The following PARVA variants were observed in gnomAD, a reference collection of about 807,000 sequenced individuals.
The protein encoded by PARVA is alpha-parvin.
Under a neutral mutation model 52.6 loss-of-function variants are expected in PARVA, and 25 were observed. The ratio of observed to expected loss-of-function variants is 0.48; its 90% CI spans 0.35 to 0.66. The LOEUF (loss-of-function observed/expected upper bound fraction) is 0.66, where lower values mean the gene tolerates loss of function less well. Among genes scored for constraint, PARVA ranks in the 30% least tolerant of loss-of-function variants. The pLI, the probability that PARVA is intolerant of heterozygous loss-of-function variation, is 0.01. For synonymous variants in PARVA, 185 were observed against 179.1 expected (o/e 1.03, Z -0.26); for missense variants, 373 against 450.9 (o/e 0.83, Z 1.56).
intron 12 of PARVA, among the ~76,000 whole-genome samples, chr11:12,522,404 A>G (rs1589991715): frequency 6.8e-6 from 1 of 147,874 alleles, no homozygotes; most frequent in Admixed American, 7.0e-5. Flanking sequence ...GGTAGACAAC[A>G]AATCAAGAGC....
At chr11:12,391,801 A>G (rs556757286) in intron 1 of PARVA, among the ~76,000 whole-genome samples, 1 of 152,348 alleles carries the variant, frequency 6.6e-6, no homozygotes, top group African/African-American at 2.4e-5. Flanking sequence ...TTCTGATGGA[A>G]GCTCAAGTCC....
At chr11:12,383,677 G>A (rs1288562106) in intron 1 of PARVA, among the ~76,000 whole-genome samples, 1 of 152,068 alleles carries the variant, frequency 6.6e-6, no homozygotes, top group African/African-American at 2.4e-5. Context: ...ATCTTTTTCT[G>A]TAGAGACACA....
intron 1 of PARVA, among the ~76,000 whole-genome samples, chr11:12,399,735 A>G (rs1939799562): frequency 1.3e-5 from 2 of 152,124 alleles, no homozygotes; most frequent in African/African-American, 4.8e-5. Context: ...ATTACCCATT[A>G]CAATGTTACA....
At chr11:12,519,944 C>A (rs2135085574) in intron 12 of PARVA, among the ~76,000 whole-genome samples, 1 of 152,200 alleles carries the variant, frequency 6.6e-6, no homozygotes, top group East Asian at 1.9e-4. Context: ...TGATGAGCAC[C>A]CTGCTTCTGG....
At chr11:12,466,067 G>T in intron 1 of PARVA, among the ~76,000 whole-genome samples, 1 of 152,000 alleles carries the variant, frequency 6.6e-6, no homozygotes, top group African/African-American at 2.4e-5. Flanking sequence ...ATATCTCATT[G>T]GTGTTTTGTC....
chr11:12,489,261 G>C (rs934541968), intron 4 of PARVA, among the ~76,000 whole-genome samples: 3 of 151,658 alleles, frequency 2.0e-5, no homozygotes, highest in African/African-American at 7.3e-5. Flanking sequence ...ACTTAAAAAT[G>C]ATAAAAGAAC....
intron 4 of PARVA, among the ~76,000 whole-genome samples, chr11:12,490,066 A>G (rs976768000): frequency 1.4e-4 from 21 of 151,974 alleles, no homozygotes; most frequent in Non-Finnish European, 1.6e-4. Flanking sequence ...AATACAAAAA[A>G]TTAGCCGGGT....
At chr11:12,385,230 G>A (rs925727224) in intron 1 of PARVA, among the ~76,000 whole-genome samples, 5 of 152,150 alleles carry the variant, frequency 3.3e-5, no homozygotes, top group Admixed American at 6.5e-5. Flanking sequence ...TCAGGAGGCT[G>A]ACATGGAAGG....
At chr11:12,437,266 C>T (rs985675211) in intron 1 of PARVA, among the ~76,000 whole-genome samples, 8 of 152,174 alleles carry the variant, frequency 5.3e-5, no homozygotes, top group Admixed American at 2.6e-4. Flanking sequence ...AGGTGAGGTA[C>T]AAGAAGGATA....
Position 12,423,360 on chromosome 11 carries a change from T to G in PARVA, c.136+45577T>G, listed in dbSNP as rs1383513607. Among the ~76,000 whole-genome samples, 5 of 150,564 alleles carry G rather than the reference T, an allele frequency of 3.3e-5. No homozygotes were observed. In the East Asian group the frequency reaches 5.8e-4, roughly 18 times the overall value. On this transcript the variant is annotated intron_variant, in intron 1 of 12. Transcript: ENST00000334956. ...TGCGTGGCTAATTTTTGTTTTTTTT[T>G]TTTTTTTTTTGGTAGAGACAGGGTT...
At chr11:12,475,449 C>CT (rs957487167) in intron 3 of PARVA, among the ~76,000 whole-genome samples, 2 of 152,136 alleles carry the variant, frequency 1.3e-5, no homozygotes, top group African/African-American at 2.4e-5. Context: ...TAGAGACTGT[C>CT]TTTTTTTTCT....
intron 7 of PARVA, among the ~76,000 whole-genome samples, chr11:12,510,039 C>T (rs1941486612): frequency 6.6e-6 from 1 of 152,104 alleles, no homozygotes; most frequent in Non-Finnish European, 1.5e-5. Flanking sequence ...TTCTATGGTC[C>T]CTCTCTCTGC....
At chr11:12,420,713 G>A (rs1186529965) in intron 1 of PARVA, among the ~76,000 whole-genome samples, 1 of 152,134 alleles carries the variant, frequency 6.6e-6, no homozygotes, top group Non-Finnish European at 1.5e-5. Flanking sequence ...ACTGTTCTAA[G>A]CACTTTACAG....
At chr11:12,515,783 T>G (rs1419763209) in intron 10 of PARVA, among the ~76,000 whole-genome samples, 1 of 152,150 alleles carries the variant, frequency 6.6e-6, no homozygotes, top group Non-Finnish European at 1.5e-5. Context: ...GGGTGAGTCA[T>G]GCTCAGGCCG....
At chr11:12,423,354 T>TTTC (rs1554894597) in intron 1 of PARVA, among the ~76,000 whole-genome samples, 1 of 146,258 alleles carries the variant, frequency 6.8e-6, no homozygotes, top group African/African-American at 2.5e-5. Context: ...AATTTTTGTT[T>TTTC]TTTTTTTTTT....
chr11:12,454,685 T>A (rs927436692), intron 1 of PARVA, among the ~76,000 whole-genome samples: 5 of 152,096 alleles, frequency 3.3e-5, no homozygotes, highest in Admixed American at 1.3e-4. Context: ...CAATGATCAA[T>A]CCATGGCCAA....
At chr11:12,384,958 A>G (rs1170076409) in intron 1 of PARVA, among the ~76,000 whole-genome samples, 1 of 152,150 alleles carries the variant, frequency 6.6e-6, no homozygotes, top group Non-Finnish European at 1.5e-5. Context: ...CTTCTGTTTT[A>G]ACTGATGGTG....
chr11:12,512,132 T>C (rs4331073), intron 8 of PARVA, among the ~76,000 whole-genome samples: 6,326 of 152,290 alleles, frequency 0.042, 442 homozygotes, highest in African/African-American at 0.14. Flanking sequence ...GAGAGACCTG[T>C]AGCCCAGAAA....
intron 12 of PARVA, among the ~76,000 whole-genome samples, chr11:12,520,098 T>G (rs1941618706): frequency 6.6e-6 from 1 of 152,364 alleles, no homozygotes; most frequent in East Asian, 1.9e-4. Context: ...GACAGATAAT[T>G]TTCCCAATAT....
Sources: gnomAD v4.1 joint callset for allele counts (sites outside exome capture counted in the v4.1 genomes callset) on GRCh38, gnomAD v4.1.1 for gene constraint, MANE v1.5 for transcripts, NCBI Gene and HGNC (gene_info 2026-07-23, HGNC 2026-07-21) for gene names.